THADA: variants seen among roughly 807,000 people sequenced by gnomAD.
THADA encodes THADA armadillo repeat containing.
A neutral mutation model predicts 219.8 loss-of-function variants in THADA; 213 were observed. The observed-to-expected ratio is 0.97, with a 90% CI of 0.87 to 1.09. The LOEUF (loss-of-function observed/expected upper bound fraction) is 1.09, where lower values mean the gene tolerates loss of function less well. Ranked by LOEUF, THADA falls within the 50% of genes least tolerant of loss-of-function variation. THADA has a pLI of 0.00. For missense variants in THADA, 2,956 were observed against 2,311.3 expected, an observed-to-expected ratio of 1.28 and a Z score of -5.72; for synonymous variants, 1,018 against 828.9, an observed-to-expected ratio of 1.23 and a Z score of -3.92.
At chr2:43,259,985 A>T (rs578127660) in intron 36 of THADA, among the ~76,000 whole-genome samples, 9 of 152,288 alleles carry the variant, frequency 5.9e-5, no homozygotes, top group Admixed American at 1.3e-4. Flanking sequence ...AGGTGACAGC[A>T]ATCTTTTTTT....
intron 28 of THADA, among the ~76,000 whole-genome samples, chr2:43,421,290 T>C (rs573394129): frequency 1.4e-4 from 22 of 152,258 alleles, no homozygotes; most frequent in African/African-American, 5.3e-4. Context: ...AACCCTTTTT[T>C]CACCCAACAA....
At chr2:43,595,657 T>A (rs537329529) in intron 1 of THADA, 1 of 152,408 alleles carries the variant, frequency 6.6e-6, no homozygotes, top group Non-Finnish European at 1.5e-5. Flanking sequence ...TGCTTCCCTT[T>A]AGAACGCTGC....
chr2:43,375,452 A>C (rs553694036), intron 29 of THADA, among the ~76,000 whole-genome samples: 7 of 152,220 alleles, frequency 4.6e-5, no homozygotes, highest in Non-Finnish European at 8.8e-5. Flanking sequence ...ATTCTTCTTA[A>C]TTTTAAAATG....
At chr2:43,391,722 C>A (rs1673407340) in intron 29 of THADA, 1 of 152,206 alleles carries the variant, frequency 6.6e-6, no homozygotes, top group Admixed American at 6.5e-5. Flanking sequence ...CTGCAGGTGA[C>A]TGCCTAGAGG....
chr2:43,515,599 T>C (rs892050900), intron 22 of THADA, among the ~76,000 whole-genome samples: 3 of 149,876 alleles, frequency 2.0e-5, no homozygotes, highest in Non-Finnish European at 3.0e-5. Flanking sequence ...ATAAAAAAAC[T>C]TACAAGCCAC....
At chr2:43,430,856 A>G (rs149287383) in intron 26 of THADA, among the ~76,000 whole-genome samples, 47 of 152,354 alleles carry the variant, frequency 3.1e-4, no homozygotes, top group Admixed American at 7.2e-4. Context: ...ATGTCTTTAG[A>G]CATTGCCAAA....
At chr2:43,587,079 A>C in intron 4 of THADA, 77 bp from the exon 5 acceptor site, 1 of 1,412,718 alleles carries the variant, frequency 7.1e-7, no homozygotes, top group Non-Finnish European at 9.7e-7. Flanking sequence ...AGAATCATAC[A>C]AATGTGGGAA....
chr2:43,358,200 C>T (rs1669091738), intron 29 of THADA, among the ~76,000 whole-genome samples: 1 of 152,142 alleles, frequency 6.6e-6, no homozygotes, highest in Non-Finnish European at 1.5e-5. Flanking sequence ...CCACAAAGTA[C>T]ATTACTTTTA....
chr2:43,377,093 C>A (rs1558661575), intron 29 of THADA, among the ~76,000 whole-genome samples: 1 of 152,130 alleles, frequency 6.6e-6, no homozygotes, highest in Non-Finnish European at 1.5e-5. Context: ...GGCACAATAT[C>A]GTGGAAAGAG....
chr2:43,591,368 C>A (rs1315470437), intron 3 of THADA, among the ~76,000 whole-genome samples: 4 of 152,010 alleles, frequency 2.6e-5, no homozygotes, highest in Non-Finnish European at 5.9e-5. Context: ...GAAATGTTTT[C>A]CATACTCCAC....
At chr2:43,411,057 T>C (rs1160479000) in intron 28 of THADA, among the ~76,000 whole-genome samples, 1 of 152,218 alleles carries the variant, frequency 6.6e-6, no homozygotes, top group Middle Eastern at 3.2e-3. Flanking sequence ...CCTTGTGCTC[T>C]TTTAAAAAAT....
chr2:43,577,836 T>C (rs1018697704), intron 9 of THADA, among the ~76,000 whole-genome samples: 4 of 152,128 alleles, frequency 2.6e-5, no homozygotes, highest in African/African-American at 9.7e-5. Context: ...AATACATTTA[T>C]CAGAAAAGTT....
chr2:43,368,904 C>G (rs1670483059), intron 29 of THADA, among the ~76,000 whole-genome samples: 16 of 152,104 alleles, frequency 1.1e-4, no homozygotes, highest in Admixed American at 1.0e-3. Context: ...AGTTCACTGT[C>G]TATAGCAATG....
chr2:43,546,909 T>C (rs2103852247), intron 20 of THADA, among the ~76,000 whole-genome samples: 1 of 152,306 alleles, frequency 6.6e-6, no homozygotes, highest in Admixed American at 6.5e-5. Flanking sequence ...TTTGATCCTG[T>C]CATTATGATG....
chr2:43,560,479 C>A, intron 15 of THADA, 94 bp from the exon 16 acceptor site: 1 of 858,710 alleles, frequency 1.2e-6, no homozygotes, highest in Non-Finnish European at 1.7e-6. Flanking sequence ...AAATAAGTAC[C>A]AAAAAACCAC....
At position 43,326,165 on chromosome 2, in the gene THADA, CAA is replaced by C. The variant is rs57917515; in HGVS notation, c.4344-5627_4344-5626del. 6.3e-3 allele frequency among the ~76,000 whole-genome samples: 704 copies of C among 111,098 alleles called. 2 individuals are homozygous for C. Among genetic ancestry groups the C allele is most frequent in the Middle Eastern group, 0.015 (3 of 196 alleles). 72.9% of individuals were successfully genotyped at this position (111,098 alleles called of 152,430 possible). On this transcript the variant is annotated intron_variant, in intron 30 of 37. Coordinates refer to ENST00000405975, the MANE Select transcript of THADA (RefSeq NM_022065.5). ...GCTGTTTCTTGTTGTCAATGTCTGT[CAA>C]AAAAAAAAAAAAAAAAACACTTGAA...
chr2:43,503,252 A>T (rs904758665), intron 24 of THADA, among the ~76,000 whole-genome samples: 5 of 152,236 alleles, frequency 3.3e-5, no homozygotes, highest in Admixed American at 3.3e-4. Context: ...AAGGAGACAC[A>T]CAAGAATGTT....
At chr2:43,234,973 G>A (rs866588285) in intron 36 of THADA, among the ~76,000 whole-genome samples, 1 of 148,524 alleles carries the variant, frequency 6.7e-6, no homozygotes, top group Non-Finnish European at 1.5e-5. Context: ...GCACCCAGTG[G>A]GTTTATCACT....
intron 30 of THADA, among the ~76,000 whole-genome samples, chr2:43,331,819 C>T (rs112680104): frequency 6.6e-6 from 1 of 151,882 alleles, no homozygotes; most frequent in African/African-American, 2.4e-5. Context: ...AACTCTTGTA[C>T]TTACTGTATG....
Sources: allele counts gnomAD v4.1 joint callset (sites outside exome capture counted in the v4.1 genomes callset), GRCh38; gene constraint gnomAD v4.1.1; transcripts MANE v1.5; gene names NCBI Gene and HGNC (gene_info 2026-07-23, HGNC 2026-07-21).